PDE4DIP: variants seen among roughly 807,000 people sequenced by gnomAD.
PDE4DIP encodes myomegalin.
A neutral mutation model predicts 221.4 loss-of-function variants in PDE4DIP; 59 were observed. That is an observed-to-expected ratio of 0.27 (90% confidence interval 0.22 to 0.33). The LOEUF is 0.33. PDE4DIP is among the 10% of genes least tolerant of loss of function. The pLI is 1.00. For missense variants in PDE4DIP, 1,036 were observed against 2,154.2 expected (o/e 0.48, Z 10.28); for synonymous variants, 404 against 815.9 (o/e 0.50, Z 8.60).
At chr1:149,028,449 T>C in intron 40 of PDE4DIP, 111 bp from the exon 44 acceptor site, 4 of 780,546 alleles carry the variant, frequency 5.1e-6, no homozygotes, top group Non-Finnish European at 8.1e-6. Context: ...GTGTGAGGGC[T>C]TCACAGGTTC....
chr1:149,010,458 C>T (rs782631077), exon 31 of PDE4DIP: 24 of 1,612,900 alleles, frequency 1.5e-5, no homozygotes, highest in Admixed American at 1.7e-5. Context: ...ATCCATCATT[C>T]GAGTCATTCT....
intron 1 of PDE4DIP, among the ~76,000 whole-genome samples, chr1:148,893,126 T>A (rs1182985682): frequency 4.5e-5 from 6 of 134,122 alleles, no homozygotes. Context: ...TTTTTTTTTT[T>A]GGCAGAGATT....
chr1:149,023,246 A>G (rs1553621883), intron 37 of PDE4DIP, among the ~76,000 whole-genome samples: 1 of 152,320 alleles, frequency 6.6e-6, no homozygotes, highest in East Asian at 1.9e-4. Context: ...ATGATCTGAC[A>G]TGAGGATATT....
intron 1 of PDE4DIP, among the ~76,000 whole-genome samples, chr1:148,918,355 T>G (rs1402531340): frequency 1.7e-5 from 1 of 60,360 alleles, no homozygotes; most frequent in Non-Finnish European, 3.3e-5. Flanking sequence ...TGCATTTCCA[T>G]ACAGCTGATT....
At chr1:148,980,757 G>A (rs2060948945) in intron 20 of PDE4DIP, among the ~76,000 whole-genome samples, 1 of 152,138 alleles carries the variant, frequency 6.6e-6, no homozygotes, top group Admixed American at 6.5e-5. Flanking sequence ...AGGACCAGTT[G>A]ATTGTGTTAC....
At chr1:148,977,779 T>C (rs587708351) in intron 17 of PDE4DIP, among the ~76,000 whole-genome samples, 158 bp from the exon 21 acceptor site, 1 of 152,364 alleles carries the variant, frequency 6.6e-6, no homozygotes, top group South Asian at 2.1e-4. Flanking sequence ...AAACTTCCTT[T>C]GTTACTATAC....
intron 17 of PDE4DIP, among the ~76,000 whole-genome samples, chr1:148,977,585 C>T (rs1281043132): frequency 1.3e-5 from 2 of 150,402 alleles, no homozygotes; most frequent in Admixed American, 6.6e-5. Context: ...TATCCTAATG[C>T]TATCATTTTT....
intron 21 of PDE4DIP, chr1:148,981,643 G>C (rs1443267569): frequency 1.1e-5 from 5 of 461,828 alleles, no homozygotes; most frequent in African/African-American, 5.9e-5. Flanking sequence ...AAATTGAATG[G>C]TGGAGGTTGC....
chr1:148,982,347 T>G (rs187241981), intron 21 of PDE4DIP: 28 of 152,338 alleles, frequency 1.8e-4, no homozygotes, highest in Middle Eastern at 6.8e-3. Context: ...GGGTATTGCT[T>G]CTTTCATTTG....
intron 12 of PDE4DIP, 47 bp downstream of exon 15, chr1:148,967,023 A>G (rs112926648): frequency 1.2e-6 from 1 of 843,400 alleles, no homozygotes; most frequent in Non-Finnish European, 2.0e-6. Context: ...TCCCACTTGT[A>G]TCCTGAGCCT....
intron 26 of PDE4DIP, 23 bp from the exon 30 acceptor site, chr1:149,004,885 GA>G (rs2066582950): frequency 1.5e-6 from 1 of 658,712 alleles, no homozygotes; most frequent in African/African-American, 2.3e-5. Flanking sequence ...TTTTATTTAG[GA>G]AGACATCTTT....
At chr1:149,009,752 A>G (rs782643047) in exon 30 of PDE4DIP, 2 of 1,612,994 alleles carry the variant, frequency 1.2e-6, no homozygotes, top group South Asian at 1.1e-5. Flanking sequence ...CAGCGAGTAC[A>G]CACACTATGA....
chr1:148,957,440 ATATGAGATTCAAATACAT>A (rs1397288275), intron 5 of PDE4DIP, among the ~76,000 whole-genome samples: 1 of 130,058 alleles, frequency 7.7e-6, no homozygotes, highest in African/African-American at 2.9e-5. Context: ...AGATTGATTC[ATATGAGATTCAAATACAT>A]TATGTATTTT....
intron 23 of PDE4DIP, among the ~76,000 whole-genome samples, chr1:149,001,027 A>G (rs1553575075): frequency 6.6e-6 from 1 of 151,842 alleles, no homozygotes; most frequent in Non-Finnish European, 1.5e-5. Flanking sequence ...TATGGGATGA[A>G]TAGGACAGAC....
chr1:148,901,648 G>A (rs1262701041), intron 1 of PDE4DIP, among the ~76,000 whole-genome samples: 4 of 135,244 alleles, frequency 3.0e-5, no homozygotes, highest in African/African-American at 1.1e-4. Context: ...TTGGGAAGAG[G>A]AAGCCCTTCT....
At chr1:148,930,764 T>A (rs1348142364) in intron 2 of PDE4DIP, 2 of 148,348 alleles carry the variant, frequency 1.3e-5, no homozygotes, top group African/African-American at 2.5e-5. Flanking sequence ...ATCATTAAAA[T>A]GGCCATATTG....
At chr1:148,933,475 T>A (rs1374907871) in intron 4 of PDE4DIP, among the ~76,000 whole-genome samples, 1 of 152,178 alleles carries the variant, frequency 6.6e-6, no homozygotes, top group African/African-American at 2.4e-5. Context: ...CGAGGAAACT[T>A]TCTAAATGTC....
chr1:148,820,891 C>A (rs1332882596), intron 1 of PDE4DIP, among the ~76,000 whole-genome samples: 1 of 146,842 alleles, frequency 6.8e-6, no homozygotes, highest in Non-Finnish European at 1.5e-5. Context: ...CTCGCTGTTG[C>A]CCAGGCTGGA....
chr1:148,827,760 A>G lies in PDE4DIP; in HGVS notation c.233+19023A>G, dbSNP rs1778740. On this transcript the variant is annotated intron_variant, in intron 1 of 45. Transcript: ENST00000524974. Reference sequence around the variant, plus strand: ...AAAACAAATGTGGCAAAATGTTAACAATCTATGAAGCAATTGAAAGATTTA... The same window carrying G: ...AAAACAAATGTGGCAAAATGTTAACGATCTATGAAGCAATTGAAAGATTTA... Among the ~76,000 whole-genome samples the G allele has an allele frequency of 4.5e-3, 429 of 95,890 alleles. 10 individuals are homozygous for G. Among genetic ancestry groups the G allele is most frequent in the East Asian group, 0.016 (29 of 1,844 alleles). The allele number at this position is 95,890 out of a possible 152,430, so 62.9% of individuals were successfully genotyped here. A position where few individuals can be genotyped will look rare whatever the true frequency, so the allele number is the denominator to read the frequency against.
Sources: gnomAD v4.1 joint callset for allele counts (sites outside exome capture counted in the v4.1 genomes callset) on GRCh38, gnomAD v4.1.1 for gene constraint, MANE v1.5 for transcripts, NCBI Gene and HGNC (gene_info 2026-07-23, HGNC 2026-07-21) for gene names.